The following CCDC3 variants were observed in gnomAD, a reference collection of about 807,000 sequenced individuals.
The protein encoded by CCDC3 is coiled-coil domain-containing protein 3.
A neutral mutation model predicts 21.4 loss-of-function variants in CCDC3; 24 were observed. The observed-to-expected ratio is 1.12, with a 90% confidence interval of 0.81 to 1.58. The LOEUF (loss-of-function observed/expected upper bound fraction) is 1.58. Among genes scored for constraint, CCDC3 ranks in the 40% most tolerant of loss-of-function variants. CCDC3 has a pLI of 0.00. For synonymous variants in CCDC3, 186 were observed against 166.0 expected, an observed-to-expected ratio of 1.12 and a Z score of -0.93; for missense variants, 425 against 360.9, an observed-to-expected ratio of 1.18 and a Z score of -1.44.
chr10:13,034,145 T>C (rs1028926465), intron 5 of CCDC3, among the ~76,000 whole-genome samples: 6 of 152,110 alleles, frequency 3.9e-5, no homozygotes, highest in African/African-American at 1.4e-4. Context: ...ATATACACCA[T>C]GGAATACTAT....
At chr10:12,980,204 A>T (rs1023088561) in intron 2 of CCDC3, among the ~76,000 whole-genome samples, 1 of 152,196 alleles carries the variant, frequency 6.6e-6, no homozygotes, top group African/African-American at 2.4e-5. Context: ...TGCCAAAAGC[A>T]TCTGGGTTTG....
intron 3 of CCDC3, among the ~76,000 whole-genome samples, chr10:13,088,613 C>T (rs895722553): frequency 6.6e-6 from 1 of 152,210 alleles, no homozygotes; most frequent in Non-Finnish European, 1.5e-5. Flanking sequence ...TGGAATGAGA[C>T]AGGCTGCCGC....
At chr10:13,001,938 C>T (rs536199206), upstream of CCDC3, among the ~76,000 whole-genome samples, 3 of 152,290 alleles carry the variant, frequency 2.0e-5, no homozygotes, top group South Asian at 4.1e-4. Context: ...CCTGGCGCCC[C>T]ACGATGGACG....
chr10:13,070,321 C>A (rs1203656549), intron 4 of CCDC3, among the ~76,000 whole-genome samples: 1 of 152,162 alleles, frequency 6.6e-6, no homozygotes, highest in Non-Finnish European at 1.5e-5. Context: ...TAGTTGTTTG[C>A]ATCAGTGCAA....
intron 2 of CCDC3, among the ~76,000 whole-genome samples, chr10:12,917,179 T>G (rs1834371519): frequency 1.0e-5 from 1 of 98,856 alleles, no homozygotes; most frequent in East Asian, 2.7e-4. Flanking sequence ...TATTTCTTCT[T>G]CTTTTTTTTT....
intron 2 of CCDC3, among the ~76,000 whole-genome samples, chr10:12,921,098 T>C (rs1357888326): frequency 6.6e-6 from 1 of 152,118 alleles, no homozygotes; most frequent in Non-Finnish European, 1.5e-5. Context: ...GACATCGTGG[T>C]TTTAGTTACC....
intron 2 of CCDC3, among the ~76,000 whole-genome samples, chr10:12,923,734 G>C (rs899083499): frequency 2.0e-5 from 3 of 152,194 alleles, no homozygotes; most frequent in African/African-American, 7.2e-5. Flanking sequence ...ACTCCGGTCT[G>C]TGTCCCTCCC....
intron 2 of CCDC3, among the ~76,000 whole-genome samples, chr10:12,900,950 G>A (rs545491895): frequency 4.3e-4 from 65 of 152,224 alleles, no homozygotes; most frequent in Admixed American, 3.3e-4. Context: ...ACCGATAGCC[G>A]ATAGCCCTAA....
At chr10:13,005,976 G>A (rs1835919402), upstream of CCDC3, among the ~76,000 whole-genome samples, 1 of 152,146 alleles carries the variant, frequency 6.6e-6, no homozygotes, top group African/African-American at 2.4e-5. Flanking sequence ...AGTGACAATT[G>A]AGCCCCCAGA....
chr10:12,931,340 C>G (rs1002143361), intron 2 of CCDC3, among the ~76,000 whole-genome samples: 1 of 151,780 alleles, frequency 6.6e-6, no homozygotes, highest in African/African-American at 2.4e-5. Context: ...TTACAATGTA[C>G]AGCAGATGGG....
At chr10:13,020,751 T>C (rs1251986646) in intron 5 of CCDC3, among the ~76,000 whole-genome samples, 1 of 152,092 alleles carries the variant, frequency 6.6e-6, no homozygotes, top group Non-Finnish European at 1.5e-5. Flanking sequence ...CTAAATAAAA[T>C]ACACAGTGAT....
chr10:12,922,144 A>C (rs1354616396), intron 2 of CCDC3, among the ~76,000 whole-genome samples: 1 of 152,068 alleles, frequency 6.6e-6, no homozygotes, highest in Admixed American at 6.5e-5. Flanking sequence ...TCCTCTTATC[A>C]TCTGTTCAGC....
At chr10:13,069,195 C>T (rs566499823) in intron 4 of CCDC3, among the ~76,000 whole-genome samples, 11 of 152,288 alleles carry the variant, frequency 7.2e-5, no homozygotes, top group Admixed American at 2.6e-4. Context: ...GCAGAGGTTG[C>T]GGTGAGCCGA....
At chr10:13,059,981 G>A (rs1236849010) in intron 4 of CCDC3, among the ~76,000 whole-genome samples, 4 of 152,084 alleles carry the variant, frequency 2.6e-5, no homozygotes, top group Non-Finnish European at 5.9e-5. Flanking sequence ...CTACTTGGGA[G>A]GCTGAGGCAG....
chr10:12,910,075 A>G (rs1295988066), intron 2 of CCDC3, among the ~76,000 whole-genome samples: 1 of 152,240 alleles, frequency 6.6e-6, no homozygotes, highest in Non-Finnish European at 1.5e-5. Flanking sequence ...TTGTCCACAC[A>G]GCCACATCCA....
intron 2 of CCDC3, among the ~76,000 whole-genome samples, chr10:12,949,906 C>T (rs781075622): frequency 1.5e-4 from 23 of 152,148 alleles, no homozygotes; most frequent in African/African-American, 9.7e-5. Flanking sequence ...ATTTGGTGAC[C>T]GTGTAGACCC....
chr10:12,937,132 C>T (rs1011294987), intron 2 of CCDC3, among the ~76,000 whole-genome samples: 6 of 150,748 alleles, frequency 4.0e-5, no homozygotes, highest in Non-Finnish European at 7.4e-5. Flanking sequence ...CCCTCAGACT[C>T]ATTCACTCTG....
chr10:13,001,137 G>A (rs985406322), intron 1 of CCDC3, 60 bp downstream of exon 1: 34 of 1,512,228 alleles, frequency 2.2e-5, no homozygotes, highest in Non-Finnish European at 2.8e-5. Flanking sequence ...TCTAGGTAAC[G>A]GCGACCTCGG....
rs1252441023 is a variant in CCDC3, at chr10:12,916,427, A to C, written c.550-17748T>G. On this transcript the variant is annotated intron_variant, in intron 2 of 2. Coordinates refer to ENST00000378825, the MANE Select transcript of CCDC3 (RefSeq NM_031455.4). The stretch of plus-strand genomic sequence containing the variant: ...GAGGGATAGAGACAGACTCCATCTC[A>C]AAAAAAAAAAAAAAAAAAATTGACA... 2.2e-4 allele frequency among the ~76,000 whole-genome samples: 5 copies of C among 23,092 alleles called. No individual in the cohort carries two copies. In the East Asian group the frequency reaches 3.7e-3, roughly 17 times the overall value. 15.1% of individuals were successfully genotyped at this position (23,092 alleles called of 152,430 possible).
Sources: allele counts gnomAD v4.1 joint callset (sites outside exome capture counted in the v4.1 genomes callset), GRCh38; gene constraint gnomAD v4.1.1; transcripts MANE v1.5; gene names NCBI Gene and HGNC (gene_info 2026-07-23, HGNC 2026-07-21).